The following PDE4D variants were observed in gnomAD, a reference collection of about 807,000 sequenced individuals.
PDE4D encodes phosphodiesterase 4D.
In PDE4D, 24 loss-of-function variants were observed where a neutral mutation model predicts 87.4. The ratio of observed to expected loss-of-function variants is 0.27; its 90% CI spans 0.20 to 0.39. The LOEUF (loss-of-function observed/expected upper bound fraction) is 0.39, where lower values mean the gene tolerates loss of function less well. Among genes scored for constraint, PDE4D ranks in the 10% least tolerant of loss-of-function variants. PDE4D has a pLI of 1.00. For missense variants in PDE4D, 714 were observed against 1,041.0 expected, an observed-to-expected ratio of 0.69 and a Z score of 4.32; for synonymous variants, 384 against 383.2, an observed-to-expected ratio of 1.00 and a Z score of -0.02.
chr5:59,841,355 C>T (rs1028564545), intron 1 of PDE4D, among the ~76,000 whole-genome samples: 3 of 152,046 alleles, frequency 2.0e-5, no homozygotes, highest in Admixed American at 2.0e-4. Flanking sequence ...TCCTTTTAGA[C>T]TTCCTTATTT....
intron 1 of PDE4D, among the ~76,000 whole-genome samples, chr5:60,291,508 A>T (rs764568480): frequency 3.9e-5 from 6 of 151,962 alleles, no homozygotes; most frequent in Non-Finnish European, 7.4e-5. Flanking sequence ...GCAAAAAAAA[A>T]CCTATTACAA....
At chr5:60,274,094 A>G (rs1751108823) in intron 1 of PDE4D, among the ~76,000 whole-genome samples, 1 of 152,206 alleles carries the variant, frequency 6.6e-6, no homozygotes, top group Admixed American at 6.5e-5. Context: ...TTATTTGTGC[A>G]TCTCATCAGC....
chr5:59,810,748 C>T (rs1007785720), intron 1 of PDE4D, among the ~76,000 whole-genome samples: 1 of 151,970 alleles, frequency 6.6e-6, no homozygotes, highest in Non-Finnish European at 1.5e-5. Context: ...CCCATTTTTC[C>T]GGCTTATTTA....
At chr5:59,468,775 G>A (rs766875347) in intron 1 of PDE4D, among the ~76,000 whole-genome samples, 4 of 152,088 alleles carry the variant, frequency 2.6e-5, no homozygotes, top group Non-Finnish European at 5.9e-5. Context: ...TACAATAATG[G>A]CTTTTATCAT....
intron 2 of PDE4D, among the ~76,000 whole-genome samples, chr5:60,088,192 T>C (rs1774735076): frequency 1.3e-5 from 2 of 151,616 alleles, no homozygotes; most frequent in African/African-American, 2.4e-5. Context: ...TAAAAAACTT[T>C]CTCAGACAAA....
At chr5:59,867,125 A>G (rs1307138492) in intron 1 of PDE4D, among the ~76,000 whole-genome samples, 2 of 152,144 alleles carry the variant, frequency 1.3e-5, no homozygotes, top group Non-Finnish European at 2.9e-5. Flanking sequence ...ATTTCAGAGG[A>G]TAAGAAAGGA....
At position 59,671,167 on chromosome 5, in the gene PDE4D, G is replaced by C. The variant is rs562223961; in HGVS notation, c.455+222001C>G. On this transcript the variant is annotated intron_variant, in intron 1 of 14. Transcript: ENST00000340635. ...TCATGTCCTGTTATCAATACAAGAG[G>C]CAAAGTATAAATGGAGATCAGGTTT... Among the ~76,000 whole-genome samples the C allele has an allele frequency of 3.5e-4, 53 of 152,248 alleles. 1 individual carries two copies. In the South Asian group the frequency reaches 0.011, roughly 30 times the overall value.
intron 1 of PDE4D, among the ~76,000 whole-genome samples, chr5:59,565,537 A>G (rs1325147335): frequency 6.6e-6 from 1 of 152,148 alleles, no homozygotes; most frequent in African/African-American, 2.4e-5. Flanking sequence ...CTCTAAAACA[A>G]CAACCAAAAA....
At chr5:59,419,318 A>G (rs1794119595) in intron 1 of PDE4D, among the ~76,000 whole-genome samples, 1 of 152,208 alleles carries the variant, frequency 6.6e-6, no homozygotes, top group South Asian at 2.1e-4. Flanking sequence ...TTGAAGGCTA[A>G]GAATTTTTCT....
At chr5:59,546,876 A>T (rs923901134) in intron 1 of PDE4D, among the ~76,000 whole-genome samples, 3 of 152,170 alleles carry the variant, frequency 2.0e-5, no homozygotes, top group African/African-American at 7.2e-5. Flanking sequence ...TTAGTACTGA[A>T]TTAATAATCT....
At chr5:60,083,584 T>C (rs922899478) in intron 2 of PDE4D, among the ~76,000 whole-genome samples, 5 of 152,326 alleles carry the variant, frequency 3.3e-5, no homozygotes, top group African/African-American at 1.2e-4. Flanking sequence ...GATAGAGAAG[T>C]AGACTTTCAT....
chr5:60,225,894 G>T (rs146894976), intron 1 of PDE4D, among the ~76,000 whole-genome samples: 1 of 152,226 alleles, frequency 6.6e-6, no homozygotes, highest in Non-Finnish European at 1.5e-5. Context: ...GACAGAATCA[G>T]AATTTATACC....
chr5:59,045,574 A>AG lies in PDE4D; in HGVS notation c.809-6604_809-6603insC, dbSNP rs1445626256. On this transcript the variant is annotated intron_variant, in intron 5 of 14. Coordinates refer to ENST00000340635, the MANE Select transcript of PDE4D (RefSeq NM_001104631.2). Reference sequence around the variant, plus strand: ...TCTGTCTCAAAAAAAAAAAAAAAAAAAAAAAAGATGTGTGTGTCAAAAAAG... The same window carrying AG: ...TCTGTCTCAAAAAAAAAAAAAAAAAAGAAAAAAGATGTGTGTGTCAAAAAAG... 6.6e-5 allele frequency among the ~76,000 whole-genome samples: 10 copies of AG among 151,698 alleles called. No homozygotes were observed. The East Asian group carries it at 1.8e-3, about 27-fold the overall frequency.
intron 1 of PDE4D, among the ~76,000 whole-genome samples, chr5:59,301,347 A>G (rs1222069441): frequency 6.6e-6 from 1 of 152,174 alleles, no homozygotes; most frequent in Non-Finnish European, 1.5e-5. Flanking sequence ...ATATCATAAC[A>G]CCACACATAG....
intron 5 of PDE4D, among the ~76,000 whole-genome samples, chr5:59,148,751 AGCG>A (rs1160675835): frequency 2.7e-5 from 3 of 110,316 alleles, no homozygotes; most frequent in Non-Finnish European, 3.7e-5. Context: ...TAAAATATAT[AGCG>A]GTGTGTGTGT....
chr5:59,384,311 A>G (rs924653197), intron 1 of PDE4D, among the ~76,000 whole-genome samples: 3 of 152,178 alleles, frequency 2.0e-5, no homozygotes, highest in African/African-American at 7.2e-5. Context: ...ATGTAGATGC[A>G]CTTAATAACC....
intron 1 of PDE4D, among the ~76,000 whole-genome samples, chr5:59,480,894 T>C (rs1156817366): frequency 5.3e-5 from 8 of 152,130 alleles, no homozygotes; most frequent in Admixed American, 4.6e-4. Flanking sequence ...TCCCTTGAAA[T>C]GGATTTTAAG....
chr5:59,313,036 C>T (rs937019392), intron 1 of PDE4D, among the ~76,000 whole-genome samples: 2 of 152,136 alleles, frequency 1.3e-5, no homozygotes, highest in Admixed American at 1.3e-4. Flanking sequence ...AAAGGTCCCC[C>T]AGTTGAACCC....
At chr5:59,911,341 T>G (rs143777760) in intron 3 of PDE4D, among the ~76,000 whole-genome samples, 1 of 152,152 alleles carries the variant, frequency 6.6e-6, no homozygotes, top group African/African-American at 2.4e-5. Context: ...ACCACCCAGA[T>G]TGATAAACTG....
Sources: gnomAD v4.1 joint callset for allele counts (sites outside exome capture counted in the v4.1 genomes callset) on GRCh38, gnomAD v4.1.1 for gene constraint, MANE v1.5 for transcripts, NCBI Gene and HGNC (gene_info 2026-07-23, HGNC 2026-07-21) for gene names.